NVL: variants seen among roughly 807,000 people sequenced by gnomAD.
The protein encoded by NVL is nuclear valosin-containing protein-like.
Under a neutral mutation model 110.2 loss-of-function variants are expected in NVL, and 84 were observed. That is an observed-to-expected ratio of 0.76 (90% CI 0.64 to 0.91). NVL has a LOEUF of 0.91. Among genes scored for constraint, NVL ranks in the 40% least tolerant of loss-of-function variants. The pLI is 0.00. For missense variants in NVL, 882 were observed against 1,035.9 expected, an observed-to-expected ratio of 0.85 and a Z score of 2.04; for synonymous variants, 354 against 361.1, an observed-to-expected ratio of 0.98 and a Z score of 0.22.
intron 19 of NVL, among the ~76,000 whole-genome samples, chr1:224,238,359 C>T (rs1194687757): frequency 1.3e-5 from 2 of 152,174 alleles, no homozygotes; most frequent in East Asian, 1.9e-4. Flanking sequence ...TGTAAAACGT[C>T]AGCCTGGCAA....
chr1:224,249,307 T>C (rs372783983), intron 19 of NVL, among the ~76,000 whole-genome samples: 48 of 152,302 alleles, frequency 3.2e-4, no homozygotes, highest in African/African-American at 1.1e-3. Flanking sequence ...GTATTTTTTG[T>C]AGAGATGGGG....
At chr1:224,259,877 C>T (rs182173489) in intron 18 of NVL, among the ~76,000 whole-genome samples, 4 of 150,762 alleles carry the variant, frequency 2.7e-5, no homozygotes, top group African/African-American at 9.9e-5. Flanking sequence ...CCACGTTAAC[C>T]CAGGTTGGTC....
At chr1:224,230,590 C>T (rs573817048) in intron 22 of NVL, among the ~76,000 whole-genome samples, 2 of 151,358 alleles carry the variant, frequency 1.3e-5, no homozygotes, top group African/African-American at 4.9e-5. Context: ...GGTGACAGAG[C>T]GAGACTCTGT....
At chr1:224,313,796 A>G (rs939408912) in intron 4 of NVL, among the ~76,000 whole-genome samples, 15 of 152,196 alleles carry the variant, frequency 9.9e-5, no homozygotes, top group Admixed American at 3.9e-4. Context: ...TGAGGTCAGG[A>G]GTTCGAGACC....
At chr1:224,271,913 C>G (rs1252190522) in intron 17 of NVL, among the ~76,000 whole-genome samples, 1 of 151,946 alleles carries the variant, frequency 6.6e-6, no homozygotes, top group East Asian at 1.9e-4. Context: ...ACTCGGGAGG[C>G]TGAGGCAGGA....
At chr1:224,314,704 C>G (rs191199194) in intron 4 of NVL, among the ~76,000 whole-genome samples, 1 of 152,256 alleles carries the variant, frequency 6.6e-6, no homozygotes, top group East Asian at 1.9e-4. Context: ...AACACTTTCC[C>G]ACTAATATCA....
chr1:224,295,779 A>T (rs752040378), intron 11 of NVL, among the ~76,000 whole-genome samples: 24 of 151,136 alleles, frequency 1.6e-4, no homozygotes, highest in Non-Finnish European at 3.2e-4. Flanking sequence ...GGAGTTCGAG[A>T]CCAGCCTGGC....
chr1:224,252,243 G>A (rs1270520910), intron 18 of NVL, among the ~76,000 whole-genome samples: 3 of 151,962 alleles, frequency 2.0e-5, no homozygotes, highest in Non-Finnish European at 4.4e-5. Flanking sequence ...TTTTCCTTGA[G>A]TCCCCCCAGA....
rs940200696 is a variant in NVL, at chr1:224,260,699, CTT to C, written c.2182+7333_2182+7334del. On this transcript the variant is annotated intron_variant, in intron 18 of 22. Coordinates refer to ENST00000281701, the MANE Select transcript of NVL (RefSeq NM_002533.4). ...ATTTGCTTATTTATTTCTTCTTTTCCTTTTTTTTTTTTTTTTTTTTGAGACAG... is the reference window on the plus strand; with the variant it reads ...ATTTGCTTATTTATTTCTTCTTTTCCTTTTTTTTTTTTTTTTTTGAGACAG... 5.9e-3 allele frequency among the ~76,000 whole-genome samples: 745 copies of C among 126,292 alleles called. 4 individuals carry two copies. Among genetic ancestry groups the C allele is most frequent in the African/African-American group, 0.022 (670 of 31,096 alleles). 82.9% of individuals were successfully genotyped at this position (126,292 alleles called of 152,430 possible). A position where few individuals can be genotyped will look rare whatever the true frequency, so the allele number is the denominator to read the frequency against.
At chr1:224,323,703 C>A (rs756955261) in intron 2 of NVL, among the ~76,000 whole-genome samples, 1 of 152,210 alleles carries the variant, frequency 6.6e-6, no homozygotes, top group African/African-American at 2.4e-5. Context: ...AGGGCTGCCA[C>A]TGCCAACACA....
intron 2 of NVL, among the ~76,000 whole-genome samples, chr1:224,322,632 T>C (rs527921794): frequency 1.3e-5 from 2 of 152,240 alleles, no homozygotes; most frequent in East Asian, 3.9e-4. Flanking sequence ...AGAAGAAACC[T>C]AGATGGCTCT....
chr1:224,239,431 G>A (rs76962725), intron 19 of NVL, among the ~76,000 whole-genome samples: 4,081 of 152,194 alleles, frequency 0.027, 84 homozygotes, highest in Non-Finnish European at 0.04. Context: ...GAAGACTAGC[G>A]TAGACTTTCT....
intron 12 of NVL, 126 bp from the exon 13 acceptor site, chr1:224,289,859 A>T: frequency 1.2e-6 from 1 of 814,238 alleles, no homozygotes; most frequent in Non-Finnish European, 1.9e-6. Flanking sequence ...ATATAAGATC[A>T]AATAGTTCAG....
chr1:224,310,178 C>CAAAA (rs1230097656), intron 5 of NVL, among the ~76,000 whole-genome samples: 69 of 37,906 alleles, frequency 1.8e-3, no homozygotes, highest in Admixed American at 2.8e-3. Context: ...GACTCCCTCG[C>CAAAA]AAAAAAAAAA....
intron 2 of NVL, among the ~76,000 whole-genome samples, chr1:224,318,359 T>C (rs1380775211): frequency 6.6e-6 from 1 of 152,142 alleles, no homozygotes; most frequent in East Asian, 1.9e-4. Flanking sequence ...TCCCAGCACT[T>C]TGGGAGGCTG....
intron 13 of NVL, chr1:224,289,238 T>A (rs1006722036): frequency 2.3e-6 from 1 of 432,556 alleles, no homozygotes; most frequent in Non-Finnish European, 4.1e-6. Flanking sequence ...TAGGCCACAG[T>A]CTGCCAACCC....
intron 8 of NVL, among the ~76,000 whole-genome samples, chr1:224,304,379 C>T (rs891553415): frequency 3.3e-5 from 5 of 151,926 alleles, no homozygotes; most frequent in African/African-American, 7.3e-5. Flanking sequence ...GAGCCAAGAT[C>T]GCGCCACTGC....
chr1:224,245,910 C>A (rs1661761223), intron 19 of NVL, among the ~76,000 whole-genome samples: 1 of 151,978 alleles, frequency 6.6e-6, no homozygotes, highest in South Asian at 2.1e-4. Context: ...AGCCACCATG[C>A]CCGGCCAAAG....
At chr1:224,229,441 AT>A (rs886668535) in intron 22 of NVL, among the ~76,000 whole-genome samples, 7 of 149,076 alleles carry the variant, frequency 4.7e-5, no homozygotes, top group Admixed American at 1.3e-4. Context: ...TTAAAAAAAA[AT>A]TTTTTTTTTT....
Sources: gnomAD v4.1 joint callset for allele counts (sites outside exome capture counted in the v4.1 genomes callset) on GRCh38, gnomAD v4.1.1 for gene constraint, MANE v1.5 for transcripts, NCBI Gene and HGNC (gene_info 2026-07-23, HGNC 2026-07-21) for gene names.